DCC: variants seen among roughly 807,000 people sequenced by gnomAD.
DCC encodes DCC netrin 1 receptor, also known as netrin receptor DCC.
DCC carries 58 observed loss-of-function variants against 172.5 expected under a neutral mutation model. The observed-to-expected ratio is 0.34, with a 90% CI of 0.27 to 0.42. The LOEUF (loss-of-function observed/expected upper bound fraction) is 0.42, where lower values mean the gene tolerates loss of function less well. Ranked by LOEUF, DCC falls within the 10% of genes least tolerant of loss-of-function variation. DCC has a pLI of 1.00. For missense variants in DCC, 1,740 were observed against 1,791.0 expected, an observed-to-expected ratio of 0.97 and a Z score of 0.51; for synonymous variants, 709 against 644.5, an observed-to-expected ratio of 1.10 and a Z score of -1.52.
intron 5 of DCC, among the ~76,000 whole-genome samples, chr18:52,946,177 T>C (rs1413935447): frequency 6.6e-6 from 1 of 152,196 alleles, no homozygotes; most frequent in African/African-American, 2.4e-5. Context: ...CAGATTTACA[T>C]AGCAGCATCT....
chr18:52,600,649 A>G (rs1287355197), intron 1 of DCC, among the ~76,000 whole-genome samples: 1 of 152,078 alleles, frequency 6.6e-6, no homozygotes, highest in Non-Finnish European at 1.5e-5. Flanking sequence ...TTATTACTTC[A>G]TTTCTTTGGA....
intron 2 of DCC, among the ~76,000 whole-genome samples, chr18:52,898,786 C>T (rs2039769485): frequency 6.6e-6 from 1 of 151,898 alleles, no homozygotes; most frequent in Admixed American, 6.6e-5. Flanking sequence ...TGCCTGGTGA[C>T]AGCAAATATT....
intron 27 of DCC, among the ~76,000 whole-genome samples, chr18:53,516,118 C>G (rs1429243890): frequency 6.7e-6 from 1 of 149,798 alleles, no homozygotes; most frequent in East Asian, 1.9e-4. Flanking sequence ...ATCAATGGAA[C>G]AGAACAGAGC....
At chr18:52,826,575 G>T (rs896316648) in intron 2 of DCC, among the ~76,000 whole-genome samples, 7 of 152,060 alleles carry the variant, frequency 4.6e-5, no homozygotes, top group Non-Finnish European at 8.8e-5. Flanking sequence ...CGGTCTCCCA[G>T]CCTCAAGCAA....
At chr18:52,989,046 T>C (rs1483567366) in intron 5 of DCC, among the ~76,000 whole-genome samples, 1 of 152,150 alleles carries the variant, frequency 6.6e-6, no homozygotes, top group Non-Finnish European at 1.5e-5. Flanking sequence ...TTGAAATCTC[T>C]TTAAATGTTG....
At chr18:53,489,940 A>AATAG (rs1208701876) in intron 26 of DCC, among the ~76,000 whole-genome samples, 1 of 152,208 alleles carries the variant, frequency 6.6e-6, no homozygotes, top group African/African-American at 2.4e-5. Flanking sequence ...AACTTCAACC[A>AATAG]ATAGATAGTC....
intron 1 of DCC, among the ~76,000 whole-genome samples, chr18:52,732,204 G>A (rs1246223481): frequency 6.6e-6 from 1 of 152,042 alleles, no homozygotes; most frequent in Non-Finnish European, 1.5e-5. Context: ...ATTTTGAATG[G>A]GTTTTAAAAA....
chr18:52,398,457 T>G (rs1037216586), intron 1 of DCC, among the ~76,000 whole-genome samples: 11 of 151,988 alleles, frequency 7.2e-5, no homozygotes, highest in Admixed American at 7.2e-4. Context: ...GTGACATCCT[T>G]TGTATTGTAA....
intron 1 of DCC, among the ~76,000 whole-genome samples, chr18:52,462,850 T>TTGAATGAATGAA (rs78177790): frequency 3.3e-5 from 5 of 151,586 alleles, no homozygotes; most frequent in African/African-American, 1.2e-4. Context: ...GAATTATGTA[T>TTGAATGAATGAA]TGAATGAATG....
At chr18:52,541,256 T>G (rs1255435632) in intron 1 of DCC, among the ~76,000 whole-genome samples, 2 of 152,192 alleles carry the variant, frequency 1.3e-5, no homozygotes, top group African/African-American at 4.8e-5. Flanking sequence ...TTATCCTTGT[T>G]CAAGGACCAG....
intron 20 of DCC, among the ~76,000 whole-genome samples, chr18:53,414,187 T>G (rs2145062748): frequency 6.6e-6 from 1 of 152,326 alleles, no homozygotes; most frequent in South Asian, 2.1e-4. Context: ...TAAAACTTAT[T>G]TAAAGCTTTC....
intron 21 of DCC, among the ~76,000 whole-genome samples, chr18:53,434,176 T>A (rs1422243529): frequency 6.6e-6 from 1 of 152,200 alleles, no homozygotes; most frequent in Non-Finnish European, 1.5e-5. Context: ...TGTTACTGTA[T>A]CTGAGTGTCC....
intron 22 of DCC, among the ~76,000 whole-genome samples, chr18:53,440,255 G>C (rs1912188902): frequency 6.6e-6 from 1 of 152,022 alleles, no homozygotes; most frequent in Non-Finnish European, 1.5e-5. Context: ...TTTTTCTATA[G>C]CTCTACCTAT....
At chr18:53,138,853 G>T (rs577923004) in intron 7 of DCC, among the ~76,000 whole-genome samples, 1 of 152,158 alleles carries the variant, frequency 6.6e-6, no homozygotes, top group East Asian at 1.9e-4. Flanking sequence ...TTTTTTAATT[G>T]ATGCATTTTT....
intron 2 of DCC, among the ~76,000 whole-genome samples, chr18:52,805,428 T>A (rs761458886): frequency 1.3e-4 from 20 of 151,968 alleles, no homozygotes; most frequent in Non-Finnish European, 2.6e-4. Flanking sequence ...ATAAAAAAAA[T>A]TATATGAATT....
At chr18:52,535,852 T>A (rs924601277) in intron 1 of DCC, among the ~76,000 whole-genome samples, 4 of 152,086 alleles carry the variant, frequency 2.6e-5, no homozygotes, top group Non-Finnish European at 5.9e-5. Context: ...ACAAAATATC[T>A]GTTATAAGAA....
chr18:52,451,340 A>G (rs991262730), intron 1 of DCC, among the ~76,000 whole-genome samples: 1 of 152,222 alleles, frequency 6.6e-6, no homozygotes, highest in Admixed American at 6.5e-5. Context: ...AAGCTGTTAG[A>G]GTCAAACAGA....
At chr18:52,963,789 A>G (rs2040884206) in intron 5 of DCC, among the ~76,000 whole-genome samples, 1 of 150,534 alleles carries the variant, frequency 6.6e-6, no homozygotes, top group Non-Finnish European at 1.5e-5. Context: ...TATCTGGCAT[A>G]CCTTGTTCAA....
chr18:53,445,504 C>T, intron 22 of DCC, among the ~76,000 whole-genome samples: 1 of 152,150 alleles, frequency 6.6e-6, no homozygotes, highest in Non-Finnish European at 1.5e-5. Flanking sequence ...AAAGTAGGAG[C>T]CAGGGCTCTT....
Sources: gnomAD v4.1 joint callset for allele counts (sites outside exome capture counted in the v4.1 genomes callset) on GRCh38, gnomAD v4.1.1 for gene constraint, MANE v1.5 for transcripts, NCBI Gene and HGNC (gene_info 2026-07-23, HGNC 2026-07-21) for gene names.